Variants in ADGRB3 observed in about 807,000 individuals in gnomAD.
ADGRB3 encodes brain-specific angiogenesis inhibitor 3.
Under a neutral mutation model 193.4 loss-of-function variants are expected in ADGRB3, and 37 were observed. The observed-to-expected ratio is 0.19, with a 90% CI of 0.15 to 0.25. The LOEUF (loss-of-function observed/expected upper bound fraction) is 0.25. Among genes scored for constraint, ADGRB3 ranks in the 10% least tolerant of loss-of-function variants. The pLI, the probability that ADGRB3 is intolerant of heterozygous loss-of-function variation, is 1.00. For synonymous variants in ADGRB3, 690 were observed against 644.2 expected (o/e 1.07, Z -1.08); for missense variants, 1,637 against 1,852.9 (o/e 0.88, Z 2.14).
At chr6:69,257,288 C>T (rs1766800523) in intron 20 of ADGRB3, among the ~76,000 whole-genome samples, 1 of 152,132 alleles carries the variant, frequency 6.6e-6, no homozygotes, top group African/African-American at 2.4e-5. Context: ...GTACCAGTTC[C>T]TCCTTGTACC....
chr6:69,178,723 G>T (rs1216429518), intron 17 of ADGRB3, among the ~76,000 whole-genome samples: 3 of 152,264 alleles, frequency 2.0e-5, no homozygotes, highest in South Asian at 4.1e-4. Flanking sequence ...AGTTTGGCAG[G>T]ATATGAAATT....
chr6:68,962,285 T>A (rs1768257533), intron 8 of ADGRB3, among the ~76,000 whole-genome samples: 1 of 152,150 alleles, frequency 6.6e-6, no homozygotes, highest in Admixed American at 6.6e-5. Flanking sequence ...CCTATTTTAG[T>A]CTACAGTTCT....
intron 13 of ADGRB3, among the ~76,000 whole-genome samples, chr6:69,029,961 T>C (rs1458715806): frequency 1.4e-5 from 2 of 139,550 alleles, no homozygotes; most frequent in South Asian, 2.2e-4. Flanking sequence ...TATATATATA[T>C]ATGATATATA....
chr6:68,762,157 C>G lies in ADGRB3; in HGVS notation c.757+122725C>G, dbSNP rs58733874. 6.2e-3 allele frequency among the ~76,000 whole-genome samples: 944 copies of G among 152,120 alleles called. 8 individuals carry two copies. Among genetic ancestry groups the G allele is most frequent in the African/African-American group, 0.021 (860 of 41,536 alleles). On this transcript the variant is annotated intron_variant, in intron 3 of 31. Transcript: ENST00000370598. ...TTTAATGCAGTATTTTAAAGGTCAT[C>G]TTTTTCCACTCTTTTCTCCACCATC...
At chr6:69,088,817 C>T (rs545859576) in intron 17 of ADGRB3, among the ~76,000 whole-genome samples, 92 of 152,318 alleles carry the variant, frequency 6.0e-4, no homozygotes, top group African/African-American at 2.1e-3. Flanking sequence ...TATTTTCACA[C>T]TGCCTTTCAA....
At position 69,048,254 on chromosome 6, in the gene ADGRB3, A is replaced by C. The variant is rs749799290; in HGVS notation, c.2177A>C (p.Lys726Thr). The change falls in exon 14 of 32, where the codon AAG becomes ACG. Residue 726 changes from lysine to threonine, a missense_variant. Lys to Thr is a moderately conservative substitution (Grantham distance 78). Transcript: ENST00000370598. Reference protein sequence around the residue: ...TDINFPMKGRKGMVDWARNSE... With the variant: ...TDINFPMKGRTGMVDWARNSE... ...ATCAACTTTCCAATGAAAGGACGGAAGGGAATGGTTGACTGGGCAAGAAAC... is the reference window on the plus strand; with the variant it reads ...ATCAACTTTCCAATGAAAGGACGGACGGGAATGGTTGACTGGGCAAGAAAC... The C allele has an allele frequency of 6.2e-7, 1 of 1,613,722 alleles. No homozygotes were observed. The highest frequency in any genetic ancestry group is 8.5e-7 in the Non-Finnish European group (1 of 1,179,738).
At chr6:69,222,425 C>G (rs1765915221) in intron 17 of ADGRB3, among the ~76,000 whole-genome samples, 1 of 152,126 alleles carries the variant, frequency 6.6e-6, no homozygotes, top group South Asian at 2.1e-4. Flanking sequence ...TAAATGAGCA[C>G]ACTGGATCCC....
chr6:69,005,490 A>G (rs1224437297), intron 11 of ADGRB3, among the ~76,000 whole-genome samples: 1 of 152,170 alleles, frequency 6.6e-6, no homozygotes, highest in Non-Finnish European at 1.5e-5. Context: ...GTTCTTACGC[A>G]GTTTTCACAA....
chr6:69,340,778 T>C (rs1051981215), intron 26 of ADGRB3, among the ~76,000 whole-genome samples: 8 of 152,020 alleles, frequency 5.3e-5, no homozygotes, highest in Non-Finnish European at 1.0e-4. Flanking sequence ...CCCCCACCCT[T>C]GACAGGACCT....
intron 11 of ADGRB3, among the ~76,000 whole-genome samples, chr6:68,996,372 C>T (rs558419456): frequency 6.6e-6 from 1 of 152,250 alleles, no homozygotes; most frequent in East Asian, 1.9e-4. Flanking sequence ...ATGTTATATA[C>T]TGTGGTACTA....
intron 16 of ADGRB3, among the ~76,000 whole-genome samples, chr6:69,072,742 C>T (rs1772112956): frequency 6.6e-6 from 1 of 152,196 alleles, no homozygotes; most frequent in Non-Finnish European, 1.5e-5. Context: ...ATACTCTTCA[C>T]TGTGATGTTA....
chr6:68,704,742 C>T (rs1036726211), intron 3 of ADGRB3, among the ~76,000 whole-genome samples: 1 of 152,180 alleles, frequency 6.6e-6, no homozygotes, highest in Non-Finnish European at 1.5e-5. Context: ...TGCTTTGTGG[C>T]AAAGGGCTCC....
At chr6:68,905,349 C>G (rs375970349) in intron 3 of ADGRB3, among the ~76,000 whole-genome samples, 3 of 152,080 alleles carry the variant, frequency 2.0e-5, no homozygotes, top group Admixed American at 2.0e-4. Flanking sequence ...AGCCTCCTTC[C>G]GAGCCTCTGG....
At chr6:69,032,453 TA>T (rs1371335368) in intron 13 of ADGRB3, among the ~76,000 whole-genome samples, 1 of 152,184 alleles carries the variant, frequency 6.6e-6, no homozygotes, top group Non-Finnish European at 1.5e-5. Context: ...TGTGTAAATA[TA>T]AAAAACAATC....
At chr6:69,053,895 TCAAGC>T (rs1771469353) in intron 15 of ADGRB3, among the ~76,000 whole-genome samples, 1 of 152,176 alleles carries the variant, frequency 6.6e-6, no homozygotes, top group Non-Finnish European at 1.5e-5. Context: ...AAGTATACCC[TCAAGC>T]CAAGAAATCA....
chr6:69,165,886 C>G (rs1383673558), intron 17 of ADGRB3, among the ~76,000 whole-genome samples: 2 of 152,042 alleles, frequency 1.3e-5, no homozygotes, highest in Non-Finnish European at 1.5e-5. Context: ...GAAACTGAGG[C>G]ACAAGGGACT....
intron 3 of ADGRB3, among the ~76,000 whole-genome samples, chr6:68,804,624 G>A (rs1341241541): frequency 1.3e-5 from 2 of 151,948 alleles, no homozygotes; most frequent in Non-Finnish European, 2.9e-5. Flanking sequence ...GAGAAATTCT[G>A]TAATATTTCT....
chr6:69,265,940 A>G (rs981387611), intron 20 of ADGRB3, among the ~76,000 whole-genome samples: 11 of 151,960 alleles, frequency 7.2e-5, no homozygotes, highest in African/African-American at 2.7e-4. Flanking sequence ...CATTCTTTAC[A>G]TGCTTACTAA....
At chr6:68,945,478 A>C (rs1040718903) in intron 6 of ADGRB3, among the ~76,000 whole-genome samples, 1 of 152,082 alleles carries the variant, frequency 6.6e-6, no homozygotes, top group African/African-American at 2.4e-5. Flanking sequence ...TGTGCTTTCA[A>C]CAAAGATTTG....
Sources: gnomAD v4.1 joint callset for allele counts (sites outside exome capture counted in the v4.1 genomes callset) on GRCh38, gnomAD v4.1.1 for gene constraint, MANE v1.5 for transcripts, NCBI Gene and HGNC (gene_info 2026-07-23, HGNC 2026-07-21) for gene names.